Variants in PLCL1 observed in about 807,000 individuals in gnomAD.
The protein encoded by PLCL1 is phospholipase C like 1 (inactive).
PLCL1 carries 41 observed loss-of-function variants against 84.4 expected under a neutral mutation model. That is an observed-to-expected ratio of 0.49 (90% CI 0.38 to 0.63). The LOEUF (loss-of-function observed/expected upper bound fraction) is 0.63, where lower values mean the gene tolerates loss of function less well. Ranked by LOEUF, PLCL1 falls within the 30% of genes least tolerant of loss-of-function variation. The pLI is 0.00. For synonymous variants in PLCL1, 490 were observed against 488.3 expected (o/e 1.00, Z -0.05); for missense variants, 1,206 against 1,367.8 (o/e 0.88, Z 1.87).
At chr2:197,933,906 G>A (rs1464211) in intron 1 of PLCL1, among the ~76,000 whole-genome samples, 109,312 of 151,956 alleles carry the variant, frequency 0.72, 40,241 homozygotes, top group African/African-American at 0.87. Flanking sequence ...CAGTATTTAA[G>A]TTACTGAGCT....
chr2:197,817,400 G>A (rs1690712589), intron 1 of PLCL1, among the ~76,000 whole-genome samples: 3 of 151,890 alleles, frequency 2.0e-5, no homozygotes, highest in African/African-American at 4.8e-5. Flanking sequence ...GTATACTTAC[G>A]CCAGGCATAT....
At chr2:198,066,089 C>T (rs979128827) in intron 1 of PLCL1, among the ~76,000 whole-genome samples, 1 of 152,188 alleles carries the variant, frequency 6.6e-6, no homozygotes, top group African/African-American at 2.4e-5. Context: ...TATTTTCCCT[C>T]TCCTTTGTTA....
intron 1 of PLCL1, among the ~76,000 whole-genome samples, chr2:197,903,545 G>A (rs1487310023): frequency 6.9e-5 from 9 of 130,054 alleles, no homozygotes; most frequent in African/African-American, 2.0e-4. Flanking sequence ...GTGCAGTGGC[G>A]AGATCTCGGC....
intron 5 of PLCL1, among the ~76,000 whole-genome samples, chr2:198,109,233 C>T (rs999792203): frequency 2.6e-5 from 4 of 151,760 alleles, no homozygotes; most frequent in South Asian, 2.1e-4. Flanking sequence ...CTTCTTGCTT[C>T]GTCTTTCAGA....
At chr2:198,113,279 C>T (rs1241380431) in intron 5 of PLCL1, among the ~76,000 whole-genome samples, 1 of 151,898 alleles carries the variant, frequency 6.6e-6, no homozygotes, top group Non-Finnish European at 1.5e-5. Context: ...CATAAATTAG[C>T]AAACAATAAT....
At chr2:197,895,835 C>G (rs1406927637) in intron 1 of PLCL1, among the ~76,000 whole-genome samples, 3 of 151,892 alleles carry the variant, frequency 2.0e-5, no homozygotes, top group Non-Finnish European at 2.9e-5. Context: ...TGGAACACAT[C>G]AGTGAAGCTC....
intron 1 of PLCL1, among the ~76,000 whole-genome samples, chr2:197,813,926 G>T (rs900926929): frequency 2.2e-4 from 33 of 152,008 alleles, no homozygotes; most frequent in Admixed American, 2.0e-3. Context: ...ATTTTTTATT[G>T]TTATCTTAAA....
chr2:197,984,286 A>G (rs142989702), intron 1 of PLCL1, among the ~76,000 whole-genome samples: 1 of 152,304 alleles, frequency 6.6e-6, no homozygotes, highest in Admixed American at 6.5e-5. Context: ...ACAAATTTTC[A>G]TTTATCTCTC....
chr2:197,937,801 G>T (rs939066573), intron 1 of PLCL1, among the ~76,000 whole-genome samples: 3 of 152,080 alleles, frequency 2.0e-5, no homozygotes, highest in African/African-American at 7.2e-5. Context: ...AAGAACTTAC[G>T]GTCCATTAGT....
At chr2:198,020,348 G>A (rs568953947) in intron 1 of PLCL1, among the ~76,000 whole-genome samples, 30 of 152,102 alleles carry the variant, frequency 2.0e-4, no homozygotes, top group Non-Finnish European at 3.8e-4. Flanking sequence ...AAAATAACCA[G>A]CTAGCATTAT....
intron 3 of PLCL1, among the ~76,000 whole-genome samples, chr2:198,097,025 A>G (rs954402109): frequency 6.6e-6 from 1 of 152,232 alleles, no homozygotes; most frequent in Non-Finnish European, 1.5e-5. Flanking sequence ...AATTGGATTC[A>G]GTCAAAGATA....
chr2:198,086,218 A>G lies in PLCL1; in HGVS notation c.2701A>G (p.Arg901Gly). 1 of 1,604,580 alleles carries G rather than the reference A, an allele frequency of 6.2e-7. No individual in the cohort carries two copies. Among genetic ancestry groups the G allele is most frequent in the South Asian group, 1.1e-5 (1 of 90,714 alleles). ...TCCATTACGAGAAGCCATAGATATG[A>G]GAGAAAATATGCAGGTAGGAGAAAC... ...VHPLREAIDM[R>G]ENMQNAIVSI... The change falls in exon 2 of 6, where the codon AGA becomes GGA. Residue 901 changes from arginine to glycine, a missense_variant. Transcript: ENST00000428675.
intron 1 of PLCL1, among the ~76,000 whole-genome samples, chr2:197,854,435 A>G (rs1326559460): frequency 6.6e-6 from 1 of 152,100 alleles, no homozygotes; most frequent in Non-Finnish European, 1.5e-5. Flanking sequence ...CTTAAATTAC[A>G]TTACATTGTT....
chr2:197,988,590 A>G (rs368526528), intron 1 of PLCL1, among the ~76,000 whole-genome samples: 7 of 152,200 alleles, frequency 4.6e-5, no homozygotes, highest in Admixed American at 4.6e-4. Context: ...TCCATGGTGT[A>G]TATATATCAC....
Position 198,084,073 on chromosome 2 carries a change from G to A in PLCL1, c.556G>A (p.Glu186Lys). The A allele has an allele frequency of 6.2e-7, 1 of 1,614,180 alleles. No individual in the cohort carries two copies. Among genetic ancestry groups the A allele is most frequent in the Non-Finnish European group, 8.5e-7 (1 of 1,180,004 alleles). The change falls in exon 2 of 6, where the codon GAG becomes AAG. Residue 186 changes from glutamate (E) to lysine (K), a missense_variant. By Grantham distance (56) the Glu-to-Lys change is moderately conservative. Transcript: ENST00000428675. Reference sequence around the variant, plus strand: ...CAATGGCCTTGCTGACCAGATCTGTGAGGACTGTGCCTTTTCCATACTCCA... The same window carrying A: ...CAATGGCCTTGCTGACCAGATCTGTAAGGACTGTGCCTTTTCCATACTCCA... ...RNNGLADQIC[E>K]DCAFSILHGE... is the part of the protein sequence containing the mutation.
intron 3 of PLCL1, among the ~76,000 whole-genome samples, chr2:198,089,819 A>G (rs1692976689): frequency 6.6e-6 from 1 of 152,200 alleles, no homozygotes; most frequent in Non-Finnish European, 1.5e-5. Context: ...CCCAATAACA[A>G]TGAAAAATTA....
At chr2:197,872,884 C>G (rs751458981) in intron 1 of PLCL1, among the ~76,000 whole-genome samples, 2 of 152,088 alleles carry the variant, frequency 1.3e-5, no homozygotes, top group African/African-American at 4.8e-5. Flanking sequence ...TGATTAGGCT[C>G]TTAGTAGGCA....
At chr2:197,820,917 G>A (rs1476709666) in intron 1 of PLCL1, among the ~76,000 whole-genome samples, 1 of 152,082 alleles carries the variant, frequency 6.6e-6, no homozygotes. Context: ...GTGTTTATCT[G>A]ATTATGTTTG....
chr2:197,902,438 C>A (rs962763721), intron 1 of PLCL1, among the ~76,000 whole-genome samples: 2 of 152,058 alleles, frequency 1.3e-5, no homozygotes, highest in African/African-American at 4.8e-5. Flanking sequence ...GCTGTCAGTC[C>A]CAAGTGTGAA....
Sources: gnomAD v4.1 joint callset for allele counts (sites outside exome capture counted in the v4.1 genomes callset) on GRCh38, gnomAD v4.1.1 for gene constraint, MANE v1.5 for transcripts, NCBI Gene and HGNC (gene_info 2026-07-23, HGNC 2026-07-21) for gene names.